ZNF543: variants seen among roughly 807,000 people sequenced by gnomAD.
ZNF543 encodes the protein zinc finger protein 543.
In ZNF543, 10 loss-of-function variants were observed where a neutral mutation model predicts 13.4. That is an observed-to-expected ratio of 0.75 (90% confidence interval 0.46 to 1.26). ZNF543 has a LOEUF of 1.26. Among genes scored for constraint, ZNF543 ranks in the 50% most tolerant of loss-of-function variants. The probability of loss-of-function intolerance (pLI) is 0.00; values close to 1 mark genes in which losing one functional copy is unlikely to be tolerated. For synonymous variants in ZNF543, 272 were observed against 264.7 expected, an observed-to-expected ratio of 1.03 and a Z score of -0.27; for missense variants, 768 against 741.2, an observed-to-expected ratio of 1.04 and a Z score of -0.42.
rs1207841919 is a variant in ZNF543, at chr19:57,328,893, AC to A, written c.1434del (p.Tyr479MetfsTer87). The part of the protein sequence containing the change: ...RHFSIHTGEK[P>X]YECVECGKAF... ...ACTTCAGCATCCACACTGGAGAGAA[AC>A]CCTATGAGTGCGTGGAGTGTGGAAA... On this transcript the variant is annotated frameshift_variant, in exon 4 of 4. Coordinates refer to ENST00000321545, the MANE Select transcript of ZNF543 (RefSeq NM_213598.4). LOFTEE classifies it low-confidence loss of function (END_TRUNC). 4 of 1,606,074 alleles carry A rather than the reference AC, an allele frequency of 2.5e-6. No homozygotes were observed. The African/African-American group carries it at 5.5e-5, about 22-fold the overall frequency.
At chr19:57,324,875 CA>C (rs1276101457) in intron 2 of ZNF543, among the ~76,000 whole-genome samples, 26 of 152,288 alleles carry the variant, frequency 1.7e-4, no homozygotes, top group Middle Eastern at 3.4e-3. Context: ...CTCAGTATCT[CA>C]AATATGTTAT....
In ZNF543 at chr19:57,326,617, T is replaced by G; in HGVS notation, c.146-16T>G. The G allele has an allele frequency of 6.2e-7, 1 of 1,605,962 alleles. No individual in the cohort carries two copies. Among genetic ancestry groups the G allele is most frequent in the Non-Finnish European group, 8.5e-7 (1 of 1,172,678 alleles). On this transcript the variant is annotated splice_polypyrimidine_tract_variant and intron_variant, in intron 2 of 3. Coordinates refer to ENST00000321545, the MANE Select transcript of ZNF543 (RefSeq NM_213598.4). Reference sequence around the variant, plus strand: ...TAACCTAACTCCCTGTGTCCTCTTTTGTTCTCCATGCACAGGCTGTCCTTT... The same window carrying G: ...TAACCTAACTCCCTGTGTCCTCTTTGGTTCTCCATGCACAGGCTGTCCTTT...
chr19:57,323,224 C>T (rs1267662686), intron 1 of ZNF543, among the ~76,000 whole-genome samples: 3 of 149,890 alleles, frequency 2.0e-5, no homozygotes, highest in African/African-American at 7.4e-5. Flanking sequence ...ACGAGTCTCG[C>T]TCTGTCACCC....
chr19:57,323,545 C>G, intron 1 of ZNF543, 137 bp from the exon 2 acceptor site: 1 of 1,149,306 alleles, frequency 8.7e-7, no homozygotes, highest in Non-Finnish European at 1.3e-6. Context: ...ATGCCTGGCA[C>G]AGATCATGGC....
intron 2 of ZNF543, 102 bp downstream of exon 2, chr19:57,323,910 C>A: frequency 6.8e-7 from 1 of 1,466,072 alleles, no homozygotes; most frequent in Non-Finnish European, 9.2e-7. Context: ...CCTGGCACCA[C>A]GCAGGGGTGT....
chr19:57,329,078 A>G lies in ZNF543; in HGVS notation c.1616A>G (p.Glu539Gly), dbSNP rs760793232. 6.2e-6 allele frequency: 10 copies of G among 1,614,222 alleles called. No homozygotes were observed. The Admixed American group carries it at 1.7e-4, about 27-fold the overall frequency. The change falls in exon 4 of 4, where the codon GAG becomes GGG. Residue 539 changes from glutamate to glycine, a missense_variant. This residue lies in a region of ZNF543 where 677 missense variants were observed against 631.4 expected (regional missense o/e 1.07). Coordinates refer to ENST00000321545, the MANE Select transcript of ZNF543 (RefSeq NM_213598.4). Reference sequence around the variant, plus strand: ...GGAGAGAAGCCGTATGAATGCAGTGAGTGTGGAAAGGCTTTTAATCGCGGC... The same window carrying G: ...GGAGAGAAGCCGTATGAATGCAGTGGGTGTGGAAAGGCTTTTAATCGCGGC... ...HTGEKPYECSECGKAFNRGSS... is the reference protein window; with the variant it reads ...HTGEKPYECSGCGKAFNRGSS...
Position 57,330,572 on chromosome 19 carries a change from G to A in ZNF543, c.*1307G>A, listed in dbSNP as rs2088157003. 2 of 152,068 alleles carry A rather than the reference G, an allele frequency of 1.3e-5. No homozygotes were observed. The highest frequency in any genetic ancestry group is 1.3e-4 in the Admixed American group (2 of 15,264). The allele number at this position is 152,068 out of a possible 1,614,324, so 9.4% of individuals were successfully genotyped here. On this transcript the variant is annotated 3_prime_UTR_variant, in exon 4 of 4. Transcript: ENST00000321545. Reference sequence around the variant, plus strand: ...CTTTAACTGGAATTTTAACAGGCAAGCCGGCATGCATATATGTAGGGATGT... The same window carrying A: ...CTTTAACTGGAATTTTAACAGGCAAACCGGCATGCATATATGTAGGGATGT...
At chr19:57,324,336 G>A (rs2088108441) in intron 2 of ZNF543, among the ~76,000 whole-genome samples, 1 of 143,782 alleles carries the variant, frequency 7.0e-6, no homozygotes, top group Non-Finnish European at 1.5e-5. Context: ...AGGCGACAGT[G>A]TGAGAGAGAC....
chr19:57,321,890 G>A (rs1187748203), intron 1 of ZNF543, among the ~76,000 whole-genome samples: 1 of 151,918 alleles, frequency 6.6e-6, no homozygotes, highest in Non-Finnish European at 1.5e-5. Context: ...GGAACTGTGT[G>A]GACTAAAAAA....
chr19:57,323,919 G>A (rs2088105518), intron 2 of ZNF543, 111 bp downstream of exon 2: 1 of 1,398,130 alleles, frequency 7.2e-7, no homozygotes, highest in Non-Finnish European at 9.7e-7. Context: ...ACGCAGGGGT[G>A]TTCACCATTG....
intron 1 of ZNF543, among the ~76,000 whole-genome samples, chr19:57,323,128 T>C (rs567866650): frequency 1.3e-5 from 2 of 152,108 alleles, no homozygotes; most frequent in African/African-American, 4.8e-5. Flanking sequence ...CTTAGGATTG[T>C]CCTAACCTTA....
Position 57,328,677 on chromosome 19 carries a change from C to G in ZNF543, c.1215C>G (p.Asn405Lys). 6.2e-7 allele frequency: 1 copy of G among 1,613,524 alleles called. No homozygotes were observed. Among genetic ancestry groups the G allele is most frequent in the Non-Finnish European group, 8.5e-7 (1 of 1,179,640 alleles). ...GCATGGAGTGTGGGAAGGCGTTCAA[C>G]CGTAGGTCACACCTCAAGCAGCATC... Reference protein sequence around the residue: ...YKCMECGKAFNRRSHLKQHQR... With the variant: ...YKCMECGKAFKRRSHLKQHQR... The change falls in exon 4 of 4, where the codon AAC becomes AAG. Residue 405 changes from asparagine (N) to lysine (K), a missense_variant. Coordinates refer to ENST00000321545, the MANE Select transcript of ZNF543 (RefSeq NM_213598.4).
chr19:57,323,959 G>A, intron 2 of ZNF543, 151 bp downstream of exon 2: 1 of 927,574 alleles, frequency 1.1e-6, no homozygotes, highest in Non-Finnish European at 1.6e-6. Context: ...GGAGACCAGG[G>A]TCTGGTGTCC....
chr19:57,327,619 A>G, intron 3 of ZNF543, 85 bp from the exon 4 acceptor site: 1 of 1,507,516 alleles, frequency 6.6e-7, no homozygotes, highest in South Asian at 1.4e-5. Context: ...TGCTGGGATT[A>G]CAGGTATGAA....
intron 1 of ZNF543, among the ~76,000 whole-genome samples, chr19:57,322,408 A>G (rs1318144769): frequency 1.3e-5 from 2 of 151,372 alleles, no homozygotes; most frequent in Non-Finnish European, 2.9e-5. Flanking sequence ...GTGTCTGTAT[A>G]TCCAGCTTGG....
chr19:57,328,160 G>C lies in ZNF543; in HGVS notation c.698G>C (p.Gly233Ala). 1 of 1,614,206 alleles carries C rather than the reference G, an allele frequency of 6.2e-7. No individual in the cohort carries two copies. The highest frequency in any genetic ancestry group is 8.5e-7 in the Non-Finnish European group (1 of 1,180,030). Reference protein sequence around the residue: ...QVKPYECTECGKTFSKSTHLL... With the variant: ...QVKPYECTECAKTFSKSTHLL... ...AAGCCCTATGAATGCACAGAGTGTG[G>C]GAAAACCTTTAGCAAGAGCACTCAT... Residue 233 changes from glycine to alanine, a missense_variant, in exon 4 of 4, where the codon GGG becomes GCG. Physicochemically the swap from Gly to Ala is moderately conservative, Grantham distance 60 (BLOSUM62 0). Around this residue, in one of 3 missense-constraint regions of ZNF543, gnomAD observed 677 missense variants for 631.4 expected, o/e 1.07. Coordinates refer to ENST00000321545, the MANE Select transcript of ZNF543 (RefSeq NM_213598.4).
rs369747213 is a variant in ZNF543, at chr19:57,328,118, G to A, written c.656G>A (p.Arg219Gln). The A allele has an allele frequency of 8.7e-6, 14 of 1,614,240 alleles. No individual in the cohort carries two copies. The highest frequency in any genetic ancestry group is 1.6e-4 in the Middle Eastern group (1 of 6,062). ...AATGCCCTCCTTGTTCAGCATGAACGGATTCACACTCAAGTGAAGCCCTAT... is the reference window on the plus strand; with the variant it reads ...AATGCCCTCCTTGTTCAGCATGAACAGATTCACACTCAAGTGAAGCCCTAT... ...KKNALLVQHERIHTQVKPYEC... is the reference protein window; with the variant it reads ...KKNALLVQHEQIHTQVKPYEC... The change falls in exon 4 of 4, where the codon CGG becomes CAG. Residue 219 changes from arginine (R) to glutamine (Q), a missense_variant. This residue lies in a region of ZNF543 where 677 missense variants were observed against 631.4 expected (regional missense o/e 1.07). Coordinates refer to ENST00000321545, the MANE Select transcript of ZNF543 (RefSeq NM_213598.4).
rs748710412 is a variant in ZNF543 at position 57,328,731 on chromosome 19, T to C, written c.1269T>C (p.Tyr423=). 48 of 1,613,854 alleles carry C rather than the reference T, an allele frequency of 3.0e-5. No individual in the cohort carries two copies. The Middle Eastern group carries it at 6.6e-4, about 22-fold the overall frequency. The change falls in exon 4 of 4, where the codon TAT becomes TAC. Residue 423 remains tyrosine (Y), a synonymous_variant. Coordinates refer to ENST00000321545, the MANE Select transcript of ZNF543 (RefSeq NM_213598.4). Reference sequence around the variant, plus strand: ...GGATTCACACTGGGGAGAAGCCTTATGAATGCAGTGAATGTGGAAAGGCCT... The same window carrying C: ...GGATTCACACTGGGGAGAAGCCTTACGAATGCAGTGAATGTGGAAAGGCCT... ...HQRIHTGEKP[Y]ECSECGKAFT...
At chr19:57,323,937 G>A in intron 2 of ZNF543, 129 bp downstream of exon 2, 9 of 1,194,072 alleles carry the variant, frequency 7.5e-6, no homozygotes, top group Non-Finnish European at 1.0e-5. Context: ...TTGGCTCTGA[G>A]CGTAGCACTT....
Sources: gnomAD v4.1 joint callset for allele counts (sites outside exome capture counted in the v4.1 genomes callset) on GRCh38, gnomAD v4.1.1 for gene constraint, gnomAD v4.1.1 regional missense constraint, MANE v1.5 for transcripts, NCBI Gene and HGNC (gene_info 2026-07-23, HGNC 2026-07-21) for gene names.